The following NEB variants were observed in gnomAD, a reference collection of about 807,000 sequenced individuals.
NEB encodes the protein nebulin, also known as nemaline myopathy type 2.
In NEB, 512 loss-of-function variants were observed where a neutral mutation model predicts 952.2. The observed-to-expected ratio is 0.54, with a 90% CI of 0.50 to 0.58. The LOEUF is 0.58. Ranked by LOEUF, NEB falls within the 20% of genes least tolerant of loss-of-function variation. The pLI is 0.00. For synonymous variants in NEB, 2,900 were observed against 3,149.8 expected (o/e 0.92, Z 2.66); for missense variants, 8,428 against 9,231.1 (o/e 0.91, Z 3.56).
At chr2:151,733,045 G>T (rs941143930) in intron 3 of NEB, 76 bp downstream of exon 3, 3 of 1,334,994 alleles carry the variant, frequency 2.2e-6, no homozygotes, top group Admixed American at 2.1e-5. Flanking sequence ...TTTTTCGAAT[G>T]ATTAATTCAC....
chr2:151,698,288 C>A, intron 13 of NEB, among the ~76,000 whole-genome samples: 1 of 151,950 alleles, frequency 6.6e-6, no homozygotes. Context: ...GTATACAATT[C>A]AATGGATTTT....
At chr2:151,701,314 G>C (rs1414286346) in intron 13 of NEB, among the ~76,000 whole-genome samples, 1 of 151,880 alleles carries the variant, frequency 6.6e-6, no homozygotes, top group Admixed American at 6.6e-5. Context: ...AAGGATATTG[G>C]TCTAAAATTC....
At chr2:151,624,985 C>A (rs1295403266) in intron 71 of NEB, among the ~76,000 whole-genome samples, 1 of 152,092 alleles carries the variant, frequency 6.6e-6, no homozygotes. Context: ...AAATAAAGCT[C>A]AAGTTATTTT....
At chr2:151,681,193 C>T (rs1228942094) in intron 29 of NEB, among the ~76,000 whole-genome samples, 1 of 152,198 alleles carries the variant, frequency 6.6e-6, no homozygotes, top group Admixed American at 6.5e-5. Flanking sequence ...ATTGGAGTGC[C>T]TTTGCATGGC....
rs1468570593 is a variant in NEB, at chr2:151,665,549, G to A, written c.5032-10C>T. On this transcript the variant is annotated splice_polypyrimidine_tract_variant and intron_variant, in intron 41 of 181. Coordinates refer to ENST00000397345, the MANE Select transcript of NEB (RefSeq NM_001164508.2). ...CAGATTTGTACAGATTCTTTACAATGAGAAAAAAAATTTCATTTCAGAAAG... is the reference window on the plus strand; with the variant it reads ...CAGATTTGTACAGATTCTTTACAATAAGAAAAAAAATTTCATTTCAGAAAG... 5.2e-6 allele frequency: 8 copies of A among 1,546,618 alleles called. No homozygotes were observed. The Admixed American group carries it at 1.0e-4, about 20-fold the overall frequency.
chr2:151,704,816 T>C (rs968938633), intron 13 of NEB, among the ~76,000 whole-genome samples: 1 of 152,106 alleles, frequency 6.6e-6, no homozygotes, highest in Non-Finnish European at 1.5e-5. Flanking sequence ...AAATCACCCG[T>C]CTTCTGCGTC....
intron 52 of NEB, among the ~76,000 whole-genome samples, chr2:151,652,666 T>G (rs571772483): frequency 4.1e-4 from 62 of 152,344 alleles, no homozygotes; most frequent in African/African-American, 1.5e-3. Flanking sequence ...TAAATACTTA[T>G]AAAATTGTTT....
rs373866669 is a variant in NEB, at chr2:151,634,725, TTTATTA to T, written c.9103-766_9103-761del. 9.7e-3 allele frequency among the ~76,000 whole-genome samples: 1,479 copies of T among 151,810 alleles called. 3 individuals carry two copies. The highest frequency in any genetic ancestry group is 0.023 in the African/African-American group (945 of 41,412). On this transcript the variant is annotated intron_variant, in intron 64 of 181. Transcript: ENST00000397345. ...CACCTGTAGTAGCAACCGAGGAGAATTTATTATTATTATTATTATTTTACTAGATTC... is the reference window on the plus strand; with the variant it reads ...CACCTGTAGTAGCAACCGAGGAGAATTTATTATTATTATTTTACTAGATTC...
intron 6 of NEB, 66 bp from the exon 7 acceptor site, chr2:151,725,027 C>A (rs1197834410): frequency 8.2e-7 from 1 of 1,226,888 alleles, no homozygotes; most frequent in Non-Finnish European, 1.2e-6. Flanking sequence ...TAAGGAATTT[C>A]TTATAACCAC....
intron 9 of NEB, 102 bp downstream of exon 9, chr2:151,723,280 G>C (rs761395839): frequency 3.2e-6 from 2 of 634,476 alleles, no homozygotes. Flanking sequence ...ACAACATTTA[G>C]TCTCTTATAC....
chr2:151,635,955 G>A (rs1253955499), intron 64 of NEB, among the ~76,000 whole-genome samples: 1 of 152,148 alleles, frequency 6.6e-6, no homozygotes, highest in Non-Finnish European at 1.5e-5. Context: ...CTCCAAGCCT[G>A]CAGCTTCACT....
rs146893231 is a variant in NEB, at chr2:151,557,711, A to G, written c.19315-2667T>C. On this transcript the variant is annotated intron_variant, in intron 124 of 181. Coordinates refer to ENST00000397345, the MANE Select transcript of NEB (RefSeq NM_001164508.2). ...CATCACTGGGATGCAAGCCTGGTTC[A>G]ACATATGCAAATCAATAAATGTAAT... is the stretch of plus-strand genomic sequence containing the variant. 7.7e-4 allele frequency among the ~76,000 whole-genome samples: 117 copies of G among 152,370 alleles called. No homozygotes were observed. The East Asian group carries it at 0.022, about 28-fold the overall frequency.
chr2:151,661,768 A>AGC (rs771205325), intron 46 of NEB, among the ~76,000 whole-genome samples: 4 of 152,192 alleles, frequency 2.6e-5, no homozygotes, highest in Non-Finnish European at 5.9e-5. Flanking sequence ...GCAGAAAGCA[A>AGC]GCTGGGGTTT....
At chr2:151,691,395 C>T (rs2099549333) in intron 23 of NEB, among the ~76,000 whole-genome samples, 1 of 152,138 alleles carries the variant, frequency 6.6e-6, no homozygotes, top group Non-Finnish European at 1.5e-5. Flanking sequence ...AATTCTGTAT[C>T]ATCATCCTGT....
Position 151,667,915 on chromosome 2 carries a change from CAA to C in NEB, c.4612-6_4612-5del. 6.3e-7 allele frequency: 1 copy of C among 1,595,538 alleles called. No individual in the cohort carries two copies. Among genetic ancestry groups the C allele is most frequent in the African/African-American group, 1.3e-5 (1 of 74,244 alleles). On this transcript the variant is annotated splice_region_variant and splice_polypyrimidine_tract_variant and intron_variant, in intron 39 of 181. Transcript: ENST00000397345. ...TCCAATCTGCTTTATAATGAGCCTT[CAA>C]AAAAGTAGAGGTTATTTTATTATTT...
intron 135 of NEB, among the ~76,000 whole-genome samples, chr2:151,545,524 G>T (rs988468650): frequency 6.6e-6 from 1 of 151,828 alleles, no homozygotes; most frequent in Non-Finnish European, 1.5e-5. Context: ...GCAGTGAGCC[G>T]AGATTGCGCC....
Position 151,671,213 on chromosome 2 carries a change from TC to T in NEB, c.4315del (p.Glu1439SerfsTer6), listed in dbSNP as rs1477828548. The T allele has an allele frequency of 6.2e-7, 1 of 1,613,400 alleles. No individual in the cohort carries two copies. The highest frequency in any genetic ancestry group is 8.5e-7 in the Non-Finnish European group (1 of 1,179,408). ...QIQSDNVYKD[E>X]YNSFLKGIGW... ...GATGCCCTTCAAGAAGCTGTTATAC[TC>T]GTCTTTATACACATTCTGTAAAAGG... On this transcript the variant is annotated frameshift_variant, in exon 38 of 182. Transcript: ENST00000397345. LOFTEE classifies it high-confidence loss of function.
intron 165 of NEB, among the ~76,000 whole-genome samples, chr2:151,504,380 C>A (rs2067137440): frequency 6.6e-6 from 1 of 152,054 alleles, no homozygotes; most frequent in African/African-American, 2.4e-5. Flanking sequence ...GACAACAGCA[C>A]AAAGCAAAAT....
chr2:151,652,328 T>C (rs1363274119), intron 52 of NEB, among the ~76,000 whole-genome samples: 1 of 152,040 alleles, frequency 6.6e-6, no homozygotes, highest in Non-Finnish European at 1.5e-5. Flanking sequence ...CAAGCTCAAG[T>C]GATCCTCCCA....
Sources: gnomAD v4.1 joint callset for allele counts (sites outside exome capture counted in the v4.1 genomes callset) on GRCh38, gnomAD v4.1.1 for gene constraint, MANE v1.5 for transcripts, NCBI Gene and HGNC (gene_info 2026-07-23, HGNC 2026-07-21) for gene names.